The following CATSPERE variants were observed in gnomAD, a reference collection of about 807,000 sequenced individuals.
CATSPERE encodes catsper channel auxiliary subunit epsilon, also known as cation channel sperm-associated auxiliary subunit epsilon.
In CATSPERE, 93 loss-of-function variants were observed where a neutral mutation model predicts 114.1. The ratio of observed to expected loss-of-function variants is 0.81; its 90% CI spans 0.69 to 0.97. The LOEUF is 0.97. Ranked by LOEUF, CATSPERE falls within the 50% of genes least tolerant of loss-of-function variation. CATSPERE has a pLI of 0.00. For missense variants in CATSPERE, 1,058 were observed against 1,131.6 expected, an observed-to-expected ratio of 0.93 and a Z score of 0.93; for synonymous variants, 341 against 384.1, an observed-to-expected ratio of 0.89 and a Z score of 1.31.
intron 20 of CATSPERE, among the ~76,000 whole-genome samples, chr1:244,623,505 C>T (rs542854743): frequency 6.6e-6 from 1 of 152,152 alleles, no homozygotes; most frequent in Non-Finnish European, 1.5e-5. Context: ...AAGGCAAATT[C>T]AAATCCCAAA....
Position 244,567,885 on chromosome 1 carries a change from C to G in CATSPERE, c.1508-4445C>G, listed in dbSNP as rs569581728. ...CTCTGTCCAGTTTTGTTCCCTTGCTCACGAGGAGTTGTGATCCTTTGGAGG... is the reference window on the plus strand; with the variant it reads ...CTCTGTCCAGTTTTGTTCCCTTGCTGACGAGGAGTTGTGATCCTTTGGAGG... On this transcript the variant is annotated intron_variant, in intron 10 of 21. Coordinates refer to ENST00000366534, the MANE Select transcript of CATSPERE (RefSeq NM_001130957.2). Among the ~76,000 whole-genome samples the G allele has an allele frequency of 6.2e-4, 95 of 152,168 alleles. 1 individual carries two copies. In the South Asian group the frequency reaches 0.019, roughly 31 times the overall value.
intron 7 of CATSPERE, 107 bp from the exon 8 acceptor site, chr1:244,518,485 G>T (rs367968493): frequency 5.7e-6 from 4 of 699,734 alleles, no homozygotes; most frequent in African/African-American, 5.6e-5. Context: ...ATTTACAAAT[G>T]TAAGCAATGT....
intron 7 of CATSPERE, among the ~76,000 whole-genome samples, chr1:244,514,727 G>A (rs1676320172): frequency 6.6e-6 from 1 of 151,622 alleles, no homozygotes; most frequent in Admixed American, 6.6e-5. Context: ...TACTCAGGGG[G>A]CTGAGGCAGG....
chr1:244,591,656 CTTCA>C (rs1667735899), intron 14 of CATSPERE, 21 bp from the exon 15 acceptor site: 2 of 1,360,898 alleles, frequency 1.5e-6, no homozygotes, highest in East Asian at 4.7e-5. Context: ...GATATTTCAA[CTTCA>C]TTATGTTTTG....
At chr1:244,632,300 A>C (rs565488688) in intron 20 of CATSPERE, among the ~76,000 whole-genome samples, 2 of 148,292 alleles carry the variant, frequency 1.3e-5, no homozygotes, top group South Asian at 4.4e-4. Flanking sequence ...AGGCTGAGGC[A>C]GGAGAATCAC....
chr1:244,463,813 C>G, intron 1 of CATSPERE, 95 bp from the exon 2 acceptor site: 1 of 1,107,436 alleles, frequency 9.0e-7, no homozygotes, highest in Non-Finnish European at 1.4e-6. Flanking sequence ...AGGTGACACT[C>G]CTGGCAGCCC....
At chr1:244,606,072 G>A (rs1381497359) in intron 18 of CATSPERE, among the ~76,000 whole-genome samples, 1 of 152,178 alleles carries the variant, frequency 6.6e-6, no homozygotes, top group African/African-American at 2.4e-5. Flanking sequence ...TGTATTCAGT[G>A]TTTGATTATT....
chr1:244,490,513 T>C (rs965016370), intron 6 of CATSPERE, 42 bp downstream of exon 6: 2 of 1,131,288 alleles, frequency 1.8e-6, no homozygotes, highest in African/African-American at 1.6e-5. Context: ...CATATATCAC[T>C]AGTATATTGT....
At chr1:244,574,113 A>G (rs1664881923) in intron 11 of CATSPERE, among the ~76,000 whole-genome samples, 1 of 152,158 alleles carries the variant, frequency 6.6e-6, no homozygotes, top group African/African-American at 2.4e-5. Flanking sequence ...TCTAAGCTGA[A>G]CCTGACGGGC....
rs1286241541 is a variant in CATSPERE at position 244,528,787 on chromosome 1, A to ACACACGCACG, written c.536+10094_536+10095insGCACGCACAC. Among the ~76,000 whole-genome samples the ACACACGCACG allele has an allele frequency of 2.7e-4, 35 of 129,886 alleles. 1 individual carries two copies. Among genetic ancestry groups the ACACACGCACG allele is most frequent in the African/African-American group, 1.0e-3 (35 of 35,138 alleles). 85.2% of individuals were successfully genotyped at this position (129,886 alleles called of 152,430 possible). A position where few individuals can be genotyped will look rare whatever the true frequency, so the allele number is the denominator to read the frequency against. On this transcript the variant is annotated intron_variant, in intron 8 of 21. Transcript: ENST00000366534. ...CTCTCCCCCACAACAATCCCCCACC[A>ACACACGCACG]CACACACACACACACACACACACAC...
chr1:244,474,545 T>C (rs918014972), intron 2 of CATSPERE, among the ~76,000 whole-genome samples: 3 of 151,912 alleles, frequency 2.0e-5, no homozygotes, highest in Admixed American at 2.0e-4. Flanking sequence ...TTATATTGTT[T>C]TTATTATCAA....
At position 244,575,479 on chromosome 1, in the gene CATSPERE, C is replaced by T. The variant is rs1258963054; in HGVS notation, c.1950+2707C>T. ...GCAGGCGTCCATGGCCAGCTGTCCT[C>T]CGAGGGTGGCAGGACGTACCTGAGC... On this transcript the variant is annotated intron_variant, in intron 11 of 21. Transcript: ENST00000366534. The surrounding 1 kb of genome is among the most constrained non-coding windows in gnomAD (Gnocchi z 4.5). Among the ~76,000 whole-genome samples, 10 of 152,182 alleles carry T rather than the reference C, an allele frequency of 6.6e-5. No individual in the cohort carries two copies. Among genetic ancestry groups the T allele is most frequent in the Non-Finnish European group, 1.3e-4 (9 of 68,034 alleles).
At chr1:244,473,261 C>T (rs1668769271) in intron 2 of CATSPERE, among the ~76,000 whole-genome samples, 2 of 152,134 alleles carry the variant, frequency 1.3e-5, no homozygotes, top group African/African-American at 4.8e-5. Flanking sequence ...CACATCTTCA[C>T]CAGCATTTGG....
At chr1:244,513,764 G>A (rs1278004904) in intron 7 of CATSPERE, among the ~76,000 whole-genome samples, 1 of 152,174 alleles carries the variant, frequency 6.6e-6, no homozygotes, top group African/African-American at 2.4e-5. Context: ...GCAGTGGTGG[G>A]CAGGGCAGGT....
chr1:244,639,732 T>A (rs1675124272), intron 21 of CATSPERE, among the ~76,000 whole-genome samples, 196 bp from the exon 22 acceptor site: 1 of 151,696 alleles, frequency 6.6e-6, no homozygotes, highest in Non-Finnish European at 1.5e-5. Context: ...ACTGCATTGA[T>A]CACCTTGTCT....
rs958329230 is a variant in CATSPERE, at chr1:244,528,214, C to G, written c.536+9516C>G. 2.6e-5 allele frequency among the ~76,000 whole-genome samples: 4 copies of G among 152,298 alleles called. No homozygotes were observed. In the East Asian group the frequency reaches 7.7e-4, roughly 29 times the overall value. ...GCTCCCAATTATAAGTGAGAACATG[C>G]AGTGTTTGGCTTTCTGTTCCTGCAT... On this transcript the variant is annotated intron_variant, in intron 8 of 21. Transcript: ENST00000366534.
At chr1:244,635,122 G>T (rs1226809206) in intron 20 of CATSPERE, among the ~76,000 whole-genome samples, 1 of 152,230 alleles carries the variant, frequency 6.6e-6, no homozygotes, top group African/African-American at 2.4e-5. Flanking sequence ...GGGATTACAG[G>T]TGTGAGCCAC....
At chr1:244,538,888 A>G (rs3005988) in intron 8 of CATSPERE, among the ~76,000 whole-genome samples, 132,311 of 152,162 alleles carry the variant, frequency 0.87, 58,510 homozygotes, top group East Asian at 1. Context: ...AGCACGTGAT[A>G]TTAGTAATGC....
At chr1:244,632,405 A>G (rs1674072948) in intron 20 of CATSPERE, among the ~76,000 whole-genome samples, 1 of 151,452 alleles carries the variant, frequency 6.6e-6, no homozygotes, top group Non-Finnish European at 1.5e-5. Context: ...AAAAAAAAAA[A>G]AAAATGAAAA....
Sources: allele counts gnomAD v4.1 joint callset (sites outside exome capture counted in the v4.1 genomes callset), GRCh38; gene constraint gnomAD v4.1.1; non-coding constraint Gnocchi (gnomAD v3.1); transcripts MANE v1.5; gene names NCBI Gene and HGNC (gene_info 2026-07-23, HGNC 2026-07-21).